The following ZPLD1 variants were observed in gnomAD, a reference collection of about 807,000 sequenced individuals.
ZPLD1 encodes the protein zona pellucida-like domain-containing protein 1.
ZPLD1 carries 34 observed loss-of-function variants against 47.2 expected under a neutral mutation model. That is an observed-to-expected ratio of 0.72 (90% confidence interval 0.55 to 0.96). ZPLD1 has a LOEUF of 0.96. Ranked by LOEUF, ZPLD1 falls within the 40% of genes least tolerant of loss-of-function variation. ZPLD1 has a pLI of 0.00. For synonymous variants in ZPLD1, 176 were observed against 186.2 expected (o/e 0.95, Z 0.45); for missense variants, 512 against 505.8 (o/e 1.01, Z -0.12).
At chr3:102,394,911 T>TA (rs1355589163) in intron 7 of ZPLD1, among the ~76,000 whole-genome samples, 4 of 152,160 alleles carry the variant, frequency 2.6e-5, no homozygotes, top group Admixed American at 6.6e-5. Flanking sequence ...AGATTATTCT[T>TA]AATTAGGGCA....
chr3:102,409,354 C>T (rs1362726346), intron 7 of ZPLD1, among the ~76,000 whole-genome samples: 1 of 151,782 alleles, frequency 6.6e-6, no homozygotes, highest in Non-Finnish European at 1.5e-5. Flanking sequence ...GGGCAGATCC[C>T]TCATGGCTTG....
At chr3:102,457,304 T>C (rs1707432209) in intron 5 of ZPLD1, among the ~76,000 whole-genome samples, 1 of 152,174 alleles carries the variant, frequency 6.6e-6, no homozygotes, top group Non-Finnish European at 1.5e-5. Flanking sequence ...GGGAAGCATC[T>C]CTCACTCTGC....
chr3:102,469,052 C>A lies in ZPLD1; in HGVS notation c.850C>A (p.His284Asn). 6.2e-7 allele frequency: 1 copy of A among 1,614,148 alleles called. No individual in the cohort carries two copies. Among genetic ancestry groups the A allele is most frequent in the Non-Finnish European group, 8.5e-7 (1 of 1,179,990 alleles). The stretch of plus-strand genomic sequence containing the variant: ...TTTTGAAGTGTTCCGATTTGTGAAA[C>A]ACAAGAATCAGAAAATGTCCACTGT... ...FSFEVFRFVKHKNQKMSTVFL... is the reference protein window; with the variant it reads ...FSFEVFRFVKNKNQKMSTVFL... Residue 284 changes from histidine (H) to asparagine (N), a missense_variant, in exon 9 of 12, where the codon CAC becomes AAC. Coordinates refer to ENST00000466937, the MANE Select transcript of ZPLD1 (RefSeq NM_001329788.2).
At chr3:102,472,642 T>G (rs549949559) in intron 10 of ZPLD1, among the ~76,000 whole-genome samples, 1 of 152,336 alleles carries the variant, frequency 6.6e-6, no homozygotes, top group South Asian at 2.1e-4. Context: ...ACTCAGTTCT[T>G]GTTGCCAAAT....
At chr3:102,446,214 T>C (rs1277867685) in intron 3 of ZPLD1, among the ~76,000 whole-genome samples, 1 of 152,160 alleles carries the variant, frequency 6.6e-6, no homozygotes, top group Admixed American at 6.5e-5. Flanking sequence ...GGAAAGTAAA[T>C]ATCCACTCTC....
At position 102,470,418 on chromosome 3, in the gene ZPLD1, G is replaced by A. The variant is rs756140070; in HGVS notation, c.958G>A (p.Asp320Asn). The change falls in exon 10 of 12, where the codon GAT becomes AAT. Residue 320 changes from aspartate (D) to asparagine (N), a missense_variant. Physicochemically the swap from Asp to Asn is conservative, Grantham distance 23 (BLOSUM62 1). Transcript: ENST00000466937. ...MPICSHRERR[D>N]AGRRTTWSPQ... The stretch of plus-strand genomic sequence containing the variant: ...GATTTGCAGCCACAGAGAAAGGAGA[G>A]ATGCTGGGAGGAGGACGACTTGGAG... The A allele has an allele frequency of 3.1e-6, 5 of 1,614,004 alleles. No homozygotes were observed. The Admixed American group carries it at 8.3e-5, about 27-fold the overall frequency.
intron 8 of ZPLD1, among the ~76,000 whole-genome samples, chr3:102,422,185 A>T (rs1286987826): frequency 2.0e-5 from 3 of 152,020 alleles, no homozygotes; most frequent in Admixed American, 6.6e-5. Context: ...TCTGCACTCT[A>T]GTAGCTCCTA....
intron 6 of ZPLD1, among the ~76,000 whole-genome samples, chr3:102,460,805 ATGT>A (rs1707494986): frequency 6.6e-6 from 1 of 151,952 alleles, no homozygotes; most frequent in African/African-American, 2.4e-5. Context: ...CAGCAATATA[ATGT>A]TGTAAAGAAA....
chr3:102,458,777 T>A (rs910763301), intron 6 of ZPLD1, among the ~76,000 whole-genome samples: 1 of 152,138 alleles, frequency 6.6e-6, no homozygotes, highest in Admixed American at 6.5e-5. Flanking sequence ...TTCTGTCGTT[T>A]CTAAACTTTC....
At position 102,425,153 on chromosome 3, in the gene ZPLD1, A is replaced by C. The variant is rs561962525; in HGVS notation, c.-9+6946A>C. ...CTTCTTCAAGCCTCATTTATATTTCATCTTTGTTTTATGGCACTGACCAAG... is the reference window on the plus strand; with the variant it reads ...CTTCTTCAAGCCTCATTTATATTTCCTCTTTGTTTTATGGCACTGACCAAG... On this transcript the variant is annotated intron_variant, in intron 8 of 17. Coordinates refer to the ZPLD1 transcript ENST00000491959. 3.0e-4 allele frequency among the ~76,000 whole-genome samples: 45 copies of C among 152,168 alleles called. 1 individual carries two copies. In the South Asian group the frequency reaches 8.5e-3, roughly 29 times the overall value.
chr3:102,403,580 C>G (rs1201059638), intron 7 of ZPLD1, among the ~76,000 whole-genome samples: 1 of 151,858 alleles, frequency 6.6e-6, no homozygotes, highest in Non-Finnish European at 1.5e-5. Flanking sequence ...ATTAATTTTT[C>G]CTTTTGATCT....
chr3:102,457,610 T>C (rs1366282742), intron 5 of ZPLD1, among the ~76,000 whole-genome samples, 171 bp from the exon 6 acceptor site: 3 of 152,208 alleles, frequency 2.0e-5, no homozygotes, highest in Non-Finnish European at 4.4e-5. Context: ...TGTTCCCTCT[T>C]GCTTTTTTAG....
chr3:102,443,835 T>A (rs894144373), intron 3 of ZPLD1, among the ~76,000 whole-genome samples: 3 of 152,246 alleles, frequency 2.0e-5, no homozygotes, highest in African/African-American at 7.2e-5. Flanking sequence ...GAATATGTTC[T>A]GGTTCTCTGT....
At chr3:102,464,139 A>T in intron 7 of ZPLD1, 32 bp from the exon 8 acceptor site, 1 of 1,493,136 alleles carries the variant, frequency 6.7e-7, no homozygotes. Context: ...GGAAATTCTG[A>T]CTCTAGATTA....
At chr3:102,433,889 A>T (rs1025449662), upstream of ZPLD1, among the ~76,000 whole-genome samples, 11 of 152,218 alleles carry the variant, frequency 7.2e-5, no homozygotes, top group African/African-American at 2.7e-4. Flanking sequence ...AATTATGTAG[A>T]TATTAAAAAA....
At chr3:102,407,629 A>G (rs963815835) in intron 7 of ZPLD1, among the ~76,000 whole-genome samples, 6 of 151,366 alleles carry the variant, frequency 4.0e-5, no homozygotes, top group African/African-American at 1.5e-4. Context: ...GCTATTTACT[A>G]GAAACTCTTT....
intron 7 of ZPLD1, among the ~76,000 whole-genome samples, chr3:102,399,364 C>T (rs913701773): frequency 1.3e-5 from 2 of 152,088 alleles, no homozygotes; most frequent in Non-Finnish European, 2.9e-5. Context: ...CCTCTCATTC[C>T]TTATCCACCT....
intron 6 of ZPLD1, among the ~76,000 whole-genome samples, chr3:102,388,069 C>A (rs1706452521): frequency 6.6e-6 from 1 of 151,926 alleles, no homozygotes; most frequent in Admixed American, 6.6e-5. Flanking sequence ...ACCGTGTTAG[C>A]CAGGATGGTC....
intron 3 of ZPLD1, among the ~76,000 whole-genome samples, chr3:102,439,568 C>T (rs562905806): frequency 6.6e-6 from 1 of 152,138 alleles, no homozygotes; most frequent in South Asian, 2.1e-4. Context: ...CAAAAATGAG[C>T]TTTTTTTACA....
Sources: gnomAD v4.1 joint callset for allele counts (sites outside exome capture counted in the v4.1 genomes callset) on GRCh38, gnomAD v4.1.1 for gene constraint, MANE v1.5 for transcripts, NCBI Gene and HGNC (gene_info 2026-07-23, HGNC 2026-07-21) for gene names.